PLK4: variants seen among roughly 807,000 people sequenced by gnomAD.
The protein encoded by PLK4 is serine/threonine-protein kinase PLK4.
Under a neutral mutation model 103.0 loss-of-function variants are expected in PLK4, and 51 were observed. The observed-to-expected ratio is 0.50, with a 90% CI of 0.40 to 0.63. The LOEUF is 0.63. Ranked by LOEUF, PLK4 falls within the 20% of genes least tolerant of loss-of-function variation. The pLI is 0.00. For missense variants in PLK4, 1,054 were observed against 1,151.0 expected (o/e 0.92, Z 1.22); for synonymous variants, 389 against 376.8 (o/e 1.03, Z -0.38).
At position 127,898,190 on chromosome 4, in the gene PLK4, C is replaced by T. The variant is rs569993126; in HGVS notation, c.2811-249C>T. 9.9e-5 allele frequency among the ~76,000 whole-genome samples: 15 copies of T among 152,160 alleles called. No homozygotes were observed. The East Asian group carries it at 1.9e-3, about 20-fold the overall frequency. Reference sequence around the variant, plus strand: ...GATTTTTGGCTTGCTTTTGAAATTACGAAGCCAGTTCAAGTTTATCTAATT... The same window carrying T: ...GATTTTTGGCTTGCTTTTGAAATTATGAAGCCAGTTCAAGTTTATCTAATT... On this transcript the variant is annotated intron_variant, in intron 15 of 15. Transcript: ENST00000270861.
At chr4:127,894,788 T>C (rs1735499604) in intron 13 of PLK4, among the ~76,000 whole-genome samples, 165 bp from the exon 14 acceptor site, 2 of 152,290 alleles carry the variant, frequency 1.3e-5, no homozygotes, top group South Asian at 4.1e-4. Context: ...GGGGGTTCTT[T>C]TCTGTATTTT....
intron 15 of PLK4, 37 bp from the exon 16 acceptor site, chr4:127,898,402 G>T (rs770571148): frequency 2.1e-6 from 2 of 951,110 alleles, no homozygotes; most frequent in Non-Finnish European, 3.4e-6. Context: ...AAGTAATTCA[G>T]TTACGATTTT....
Position 127,889,946 on chromosome 4 carries a change from A to G in PLK4, c.1540A>G (p.Thr514Ala), listed in dbSNP as rs546408710. 6.9e-5 allele frequency: 112 copies of G among 1,614,042 alleles called. 1 individual carries two copies. In the South Asian group the frequency reaches 1.1e-3, roughly 16 times the overall value. The change falls in exon 7 of 16, where the codon ACA (threonine) becomes GCA (alanine). Residue 514 changes from threonine (T) to alanine (A), a missense_variant. Physicochemically the swap from Thr to Ala is moderately conservative, Grantham distance 58 (BLOSUM62 0). Transcript: ENST00000270861. ...GGGCCATCCAGATTTGCAGAAGGACACATCAAAAAATGCCTGGACTGATAC... is the reference window on the plus strand; with the variant it reads ...GGGCCATCCAGATTTGCAGAAGGACGCATCAAAAAATGCCTGGACTGATAC... The part of the protein sequence containing the change: ...FQGHPDLQKD[T>A]SKNAWTDTKV...
At position 127,892,485 on chromosome 4, in the gene PLK4, G is replaced by A; in HGVS notation, c.2159G>A (p.Gly720Asp). 1.9e-6 allele frequency: 3 copies of A among 1,606,596 alleles called. No homozygotes were observed. Among genetic ancestry groups the A allele is most frequent in the Non-Finnish European group, 1.7e-6 (2 of 1,176,718 alleles). The change falls in exon 10 of 16, where the codon GGT becomes GAT. Residue 720 changes from glycine (G) to aspartate (D), a missense_variant. By Grantham distance (94) the Gly-to-Asp change is moderately conservative. Transcript: ENST00000270861. Reference sequence around the variant, plus strand: ...TGCATTTTGATGGAGAATTCTCCTGGTGCTGATTTTGAGGTTTGGTTTTAT... The same window carrying A: ...TGCATTTTGATGGAGAATTCTCCTGATGCTGATTTTGAGGTTTGGTTTTAT... Reference protein sequence around the residue: ...AKCILMENSPGADFEVWFYDG... With the variant: ...AKCILMENSPDADFEVWFYDG...
intron 3 of PLK4, 24 bp downstream of exon 3, chr4:127,883,381 T>C (rs764545969): frequency 6.8e-7 from 1 of 1,463,796 alleles, no homozygotes; most frequent in Admixed American, 1.8e-5. Context: ...TTTGTAGAAG[T>C]GACCAAGGAC....
At chr4:127,883,868 A>G (rs921979926) in intron 4 of PLK4, among the ~76,000 whole-genome samples, 2 of 152,180 alleles carry the variant, frequency 1.3e-5, no homozygotes, top group Non-Finnish European at 2.9e-5. Context: ...GTGACTATAA[A>G]GTAGTTCTAA....
At chr4:127,897,680 G>A (rs914071903) in intron 15 of PLK4, among the ~76,000 whole-genome samples, 2 of 152,228 alleles carry the variant, frequency 1.3e-5, no homozygotes, top group East Asian at 1.9e-4. Flanking sequence ...AAAGTGGAAG[G>A]ATGCAGATGC....
chr4:127,881,398 C>T, intron 1 of PLK4: 1 of 1,418,660 alleles, frequency 7.0e-7, no homozygotes, highest in Non-Finnish European at 9.2e-7. Flanking sequence ...CGGCAGTGTC[C>T]CGAGGCACTG....
At position 127,886,646 on chromosome 4, in the gene PLK4, A is replaced by G; in HGVS notation, c.1276A>G (p.Asn426Asp). ...AGAGAGGTACTCACCCACAGACAAC[A>G]ATGCCAACATTTTTAACTTCTTTAA... ...NEERYSPTDN[N>D]ANIFNFFKEK... is the part of the protein sequence containing the mutation. Residue 426 changes from asparagine to aspartate, a missense_variant, in exon 5 of 16, where the codon AAT (asparagine) becomes GAT (aspartate). This residue lies in a region of PLK4 where 680 missense variants were observed against 660.3 expected (regional missense o/e 1.03). Transcript: ENST00000270861. The G allele has an allele frequency of 6.2e-7, 1 of 1,613,512 alleles. No individual in the cohort carries two copies. Among genetic ancestry groups the G allele is most frequent in the Non-Finnish European group, 8.5e-7 (1 of 1,179,480 alleles).
chr4:127,892,266 C>T (rs1735388588), intron 9 of PLK4, 99 bp from the exon 10 acceptor site: 3 of 722,308 alleles, frequency 4.2e-6, no homozygotes, highest in Non-Finnish European at 6.6e-6. Context: ...AATAAGAAAA[C>T]CTGTCTAATG....
chr4:127,889,289 A>G (rs1303952231), intron 6 of PLK4, among the ~76,000 whole-genome samples: 1 of 152,224 alleles, frequency 6.6e-6, no homozygotes, highest in East Asian at 1.9e-4. Context: ...CTTTAAAACC[A>G]TACAAAATAA....
rs758179111 is a variant in PLK4, at chr4:127,889,909, C to G, written c.1503C>G (p.Asn501Lys). The G allele has an allele frequency of 9.9e-6, 16 of 1,612,570 alleles. No individual in the cohort carries two copies. The South Asian group carries it at 1.6e-4, about 17-fold the overall frequency. ...KTTEYDSISPNRDFQGHPDLQ... is the reference protein window; with the variant it reads ...KTTEYDSISPKRDFQGHPDLQ... ...CTGAATATGACAGCATCAGCCCAAA[C>G]CGGGACTTCCAGGGCCATCCAGATT... The change falls in exon 7 of 16, where the codon AAC (asparagine) becomes AAG (lysine). Residue 501 changes from asparagine (N) to lysine (K), a missense_variant. By Grantham distance (94) the Asn-to-Lys change is moderately conservative. Around this residue, in one of 4 missense-constraint regions of PLK4, gnomAD observed 680 missense variants for 660.3 expected, o/e 1.03. Coordinates refer to ENST00000270861, the MANE Select transcript of PLK4 (RefSeq NM_014264.5).
At position 127,886,508 on chromosome 4, in the gene PLK4, G is replaced by C; in HGVS notation, c.1138G>C (p.Asp380His). ...SRYLRRAYSS[D>H]RSGTSNSQSQ... ...ATACCTTCGTAGAGCTTATTCCTCT[G>C]ATAGATCTGGCACTTCTAATAGTCA... Residue 380 changes from aspartate to histidine, a missense_variant, in exon 5 of 16, where the codon GAT becomes CAT. Asp to His is a moderately conservative substitution (Grantham distance 81). Coordinates refer to ENST00000270861, the MANE Select transcript of PLK4 (RefSeq NM_014264.5). The C allele has an allele frequency of 6.2e-7, 1 of 1,613,860 alleles. No individual in the cohort carries two copies. Among genetic ancestry groups the C allele is most frequent in the South Asian group, 1.1e-5 (1 of 91,070 alleles).
Position 127,894,990 on chromosome 4 carries a change from C to A in PLK4, c.2600C>A (p.Ala867Asp). 1 of 1,605,060 alleles carries A rather than the reference C, an allele frequency of 6.2e-7. No individual in the cohort carries two copies. Among genetic ancestry groups the A allele is most frequent in the Non-Finnish European group, 8.5e-7 (1 of 1,172,958 alleles). Residue 867 changes from alanine to aspartate, a missense_variant, in exon 14 of 16, where the codon GCT becomes GAT. By Grantham distance (126) the Ala-to-Asp change is moderately radical. Coordinates refer to ENST00000270861, the MANE Select transcript of PLK4 (RefSeq NM_014264.5). ...GAAGGACTTGGTCTTACAACTACAG[C>A]TTCTGGAACAGACATCTCTTCTAAT... ...TNEGLGLTTTASGTDISSNSL... is the reference protein window; with the variant it reads ...TNEGLGLTTTDSGTDISSNSL...
intron 10 of PLK4, among the ~76,000 whole-genome samples, chr4:127,892,992 A>G (rs890173771): frequency 2.0e-5 from 3 of 152,044 alleles, no homozygotes; most frequent in Admixed American, 6.5e-5. Context: ...CAAAGCATTC[A>G]TATCACACAG....
At chr4:127,892,077 A>AT (rs1263628540) in intron 9 of PLK4, 1 of 243,080 alleles carries the variant, frequency 4.1e-6, no homozygotes, top group African/African-American at 2.3e-5. Context: ...AGCATTCTGC[A>AT]TTTAAAAAAT....
At chr4:127,895,452 CTTTTTTT>C (rs70966059) in intron 14 of PLK4, among the ~76,000 whole-genome samples, 56 of 65,186 alleles carry the variant, frequency 8.6e-4, no homozygotes, top group South Asian at 3.3e-3. Context: ...GAGTAACTTT[CTTTTTTT>C]TTTTTTTTTT....
chr4:127,882,502 G>A lies in PLK4; in HGVS notation c.126+576G>A, dbSNP rs541549649. ...CTGCTGGGCACGGTGGCTCACGCCT[G>A]TAATCCCAGCACTTTGGGAGGCCGA... On this transcript the variant is annotated intron_variant, in intron 2 of 15. Transcript: ENST00000270861. 1.3e-4 allele frequency among the ~76,000 whole-genome samples: 20 copies of A among 152,286 alleles called. 1 individual carries two copies. The highest frequency in any genetic ancestry group is 4.3e-4 in the African/African-American group (18 of 41,556).
At chr4:127,891,280 T>A in intron 8 of PLK4, 84 bp downstream of exon 8, 1 of 681,606 alleles carries the variant, frequency 1.5e-6, no homozygotes, top group Non-Finnish European at 2.4e-6. Context: ...TACAATGATG[T>A]AAGTTTTTTT....
Sources: allele counts gnomAD v4.1 joint callset (sites outside exome capture counted in the v4.1 genomes callset), GRCh38; gene constraint gnomAD v4.1.1; regional missense constraint gnomAD v4.1.1; transcripts MANE v1.5; gene names NCBI Gene and HGNC (gene_info 2026-07-23, HGNC 2026-07-21).